Variants in CEP85L observed in about 807,000 individuals in gnomAD.
The protein encoded by CEP85L is centrosomal protein 85L.
In CEP85L, 60 loss-of-function variants were observed where a neutral mutation model predicts 100.3. The ratio of observed to expected loss-of-function variants is 0.60; its 90% CI spans 0.49 to 0.74. The LOEUF is 0.74. CEP85L is among the 30% of genes least tolerant of loss of function. The pLI is 0.00. For missense variants in CEP85L, 973 were observed against 936.2 expected (o/e 1.04, Z -0.51); for synonymous variants, 319 against 322.7 (o/e 0.99, Z 0.12).
At chr6:118,475,378 G>A (rs1306792199) in intron 10 of CEP85L, among the ~76,000 whole-genome samples, 2 of 129,608 alleles carry the variant, frequency 1.5e-5, no homozygotes, top group African/African-American at 5.9e-5. Flanking sequence ...TTTTTGAGAC[G>A]AGTCTCGCTC....
intron 2 of CEP85L, among the ~76,000 whole-genome samples, chr6:118,613,136 G>T (rs142663649): frequency 1.3e-5 from 2 of 151,808 alleles, no homozygotes; most frequent in Non-Finnish European, 1.5e-5. Context: ...CGCTTAACCC[G>T]GCGGGCAGAG....
chr6:118,495,812 G>A (rs754742636), intron 5 of CEP85L, among the ~76,000 whole-genome samples: 1 of 152,184 alleles, frequency 6.6e-6, no homozygotes, highest in Non-Finnish European at 1.5e-5. Flanking sequence ...AAACAGCAGA[G>A]GATATTGAGG....
At chr6:118,618,877 C>T (rs929266634) in intron 2 of CEP85L, among the ~76,000 whole-genome samples, 2 of 152,160 alleles carry the variant, frequency 1.3e-5, no homozygotes, top group Non-Finnish European at 2.9e-5. Flanking sequence ...GTGGTGCCCC[C>T]GACCCAGGCC....
At chr6:118,517,129 T>C (rs1776331645) in intron 4 of CEP85L, among the ~76,000 whole-genome samples, 1 of 152,236 alleles carries the variant, frequency 6.6e-6, no homozygotes, top group Admixed American at 6.5e-5. Context: ...AGTACCATTC[T>C]GTTTTGGTTA....
chr6:118,473,803 A>C (rs887660653), intron 10 of CEP85L, among the ~76,000 whole-genome samples: 2 of 152,124 alleles, frequency 1.3e-5, no homozygotes, highest in African/African-American at 4.8e-5. Context: ...TTGCTGTCAA[A>C]TGTGAGGTAA....
At chr6:118,624,549 C>T (rs2115290680) in intron 2 of CEP85L, among the ~76,000 whole-genome samples, 1 of 152,270 alleles carries the variant, frequency 6.6e-6, no homozygotes, top group Non-Finnish European at 1.5e-5. Context: ...TGCATACTCT[C>T]CTCCCCTTCC....
At chr6:118,592,319 T>C (rs1210378128) in intron 2 of CEP85L, among the ~76,000 whole-genome samples, 3 of 144,402 alleles carry the variant, frequency 2.1e-5, no homozygotes, top group African/African-American at 7.7e-5. Flanking sequence ...TACATTAACA[T>C]CCTCTAGGTC....
At chr6:118,622,205 G>A (rs997458593) in intron 2 of CEP85L, among the ~76,000 whole-genome samples, 3 of 152,234 alleles carry the variant, frequency 2.0e-5, no homozygotes, top group African/African-American at 7.2e-5. Flanking sequence ...GGATCTCACT[G>A]TCTGGACTAC....
At position 118,483,774 on chromosome 6, in the gene CEP85L, T is replaced by C. The variant is rs777076304; in HGVS notation, c.1522A>G (p.Ile508Val). 1.5e-5 allele frequency: 24 copies of C among 1,613,804 alleles called. No individual in the cohort carries two copies. The South Asian group carries it at 2.3e-4, about 16-fold the overall frequency. ...SEQNKEKQRR[I>V]ETLEKYLADL... The stretch of plus-strand genomic sequence containing the variant: ...GCCAGATACTTTTCCAAGGTCTCAA[T>C]TCTTCTCTGCTTTTCTTTGTTTTGT... The change falls in exon 7 of 13, where the codon ATT (isoleucine) becomes GTT (valine). Residue 508 changes from isoleucine to valine, a missense_variant. This residue lies in a region of CEP85L where 890 missense variants were observed against 844.5 expected (regional missense o/e 1.05). Coordinates refer to ENST00000368491, the MANE Select transcript of CEP85L (RefSeq NM_001042475.3).
chr6:118,550,055 T>C (rs1209155758), intron 3 of CEP85L, among the ~76,000 whole-genome samples: 2 of 151,902 alleles, frequency 1.3e-5, no homozygotes, highest in Non-Finnish European at 2.9e-5. Context: ...AAAAAAGTGT[T>C]AGATGAAATC....
chr6:118,493,414 T>TGATGAAAGGGAAGA (rs1321507290), intron 5 of CEP85L, among the ~76,000 whole-genome samples: 1 of 152,042 alleles, frequency 6.6e-6, no homozygotes, highest in African/African-American at 2.4e-5. Context: ...TGAGCAAGTC[T>TGATGAAAGGGAAGA]GATGAAAGGG....
Position 118,594,695 on chromosome 6 carries a change from A to T in CEP85L, c.233-28379T>A, listed in dbSNP as rs866517609. Among the ~76,000 whole-genome samples the T allele has an allele frequency of 2.0e-5, 3 of 151,874 alleles. No individual in the cohort carries two copies. The South Asian group carries it at 6.2e-4, about 32-fold the overall frequency. The stretch of plus-strand genomic sequence containing the variant: ...CATGGTGAAACCCCATCTCTACTAA[A>T]AATACAAAAAATTAGCCGGGTGTGG... On this transcript the variant is annotated intron_variant, in intron 2 of 12. Coordinates refer to ENST00000368491, the MANE Select transcript of CEP85L (RefSeq NM_001042475.3).
At chr6:118,659,677 G>A (rs535299140) in intron 1 of CEP85L, among the ~76,000 whole-genome samples, 2 of 152,292 alleles carry the variant, frequency 1.3e-5, no homozygotes, top group East Asian at 1.9e-4. Flanking sequence ...AAGAGAATTC[G>A]TCACCACAGT....
chr6:118,696,268 A>AAAAAAG (rs575296552), intron 1 of CEP85L, among the ~76,000 whole-genome samples: 3,855 of 151,934 alleles, frequency 0.025, 71 homozygotes, highest in Middle Eastern at 0.055. Context: ...CTGTCTCAAA[A>AAAAAAG]AAAAAGAAAA....
chr6:118,540,355 C>T (rs531876405), intron 3 of CEP85L, among the ~76,000 whole-genome samples: 1 of 152,188 alleles, frequency 6.6e-6, no homozygotes, highest in East Asian at 1.9e-4. Flanking sequence ...GAGATTTCTA[C>T]AGAAGGTTAC....
At chr6:118,515,158 TTAATAA>T (rs1291133551) in intron 4 of CEP85L, among the ~76,000 whole-genome samples, 2 of 151,992 alleles carry the variant, frequency 1.3e-5, no homozygotes, top group African/African-American at 4.8e-5. Flanking sequence ...AAATTATAAC[TTAATAA>T]TAATAAAAAG....
Position 118,465,519 on chromosome 6 carries a change from T to G in CEP85L, c.2304A>C (p.Thr768=). The G allele has an allele frequency of 6.2e-7, 1 of 1,613,608 alleles. No homozygotes were observed. Among genetic ancestry groups the G allele is most frequent in the Non-Finnish European group, 8.5e-7 (1 of 1,179,658 alleles). The change falls in exon 13 of 13, where the codon ACA becomes ACC. Residue 768 remains threonine, a synonymous_variant. Transcript: ENST00000368491. ...EETENDHSTE[T]LTKKLSDVCQ... ...ACACATCTGACAGCTTTTTAGTGAG[T>G]GTTTCTGTGCTGTGGTCATTCTCAG...
chr6:118,613,641 C>T (rs1431881285), intron 2 of CEP85L, among the ~76,000 whole-genome samples: 1 of 151,522 alleles, frequency 6.6e-6, no homozygotes, highest in African/African-American at 2.4e-5. Flanking sequence ...CCTATAATCC[C>T]AGCTACTCGG....
chr6:118,602,430 G>A (rs1234083781), intron 2 of CEP85L, among the ~76,000 whole-genome samples: 1 of 152,194 alleles, frequency 6.6e-6, no homozygotes, highest in Non-Finnish European at 1.5e-5. Context: ...AAGTTGATAT[G>A]GGGTTGCTAG....
Sources: gnomAD v4.1 joint callset for allele counts (sites outside exome capture counted in the v4.1 genomes callset) on GRCh38, gnomAD v4.1.1 for gene constraint, gnomAD v4.1.1 regional missense constraint, MANE v1.5 for transcripts, NCBI Gene and HGNC (gene_info 2026-07-23, HGNC 2026-07-21) for gene names.